The following MBD5 variants were observed in gnomAD, a reference collection of about 807,000 sequenced individuals.
MBD5 encodes methyl-CpG binding domain protein 5, also known as methyl-CpG-binding domain protein 5.
MBD5 carries 13 observed loss-of-function variants against 117.3 expected under a neutral mutation model. The ratio of observed to expected loss-of-function variants is 0.11; its 90% confidence interval spans 0.07 to 0.18. The LOEUF (loss-of-function observed/expected upper bound fraction) is 0.18, where lower values mean the gene tolerates loss of function less well. MBD5 is among the 10% of genes least tolerant of loss of function. The pLI is 1.00. For missense variants in MBD5, 1,879 were observed against 2,093.8 expected (o/e 0.90, Z 2.00); for synonymous variants, 727 against 766.4 (o/e 0.95, Z 0.85).
At chr2:148,136,063 A>G (rs1423572465) in intron 1 of MBD5, among the ~76,000 whole-genome samples, 1 of 152,194 alleles carries the variant, frequency 6.6e-6, no homozygotes, top group Non-Finnish European at 1.5e-5. Context: ...TCTAATCATC[A>G]GTCTAGTATT....
intron 2 of MBD5, among the ~76,000 whole-genome samples, chr2:148,202,560 T>C (rs1699171184): frequency 6.6e-6 from 1 of 152,170 alleles, no homozygotes; most frequent in Non-Finnish European, 1.5e-5. Flanking sequence ...GTAAGGGGCT[T>C]ATAGATCATA....
chr2:148,083,475 T>C (rs1695698384), intron 1 of MBD5, among the ~76,000 whole-genome samples: 2 of 152,096 alleles, frequency 1.3e-5, no homozygotes, highest in South Asian at 2.1e-4. Flanking sequence ...AAAAGACATA[T>C]ACATGGTCCA....
chr2:148,081,567 G>A (rs527683783), intron 1 of MBD5, among the ~76,000 whole-genome samples: 2 of 152,280 alleles, frequency 1.3e-5, no homozygotes, highest in African/African-American at 4.8e-5. Context: ...CCGTGGTAAG[G>A]AGTTACATCC....
At chr2:148,182,269 A>C (rs745691376) in intron 2 of MBD5, among the ~76,000 whole-genome samples, 7 of 152,166 alleles carry the variant, frequency 4.6e-5, no homozygotes, top group Non-Finnish European at 1.0e-4. Context: ...GCTTTTTATT[A>C]TGTGTATGTT....
chr2:148,304,086 C>T (rs181907666), intron 3 of MBD5, among the ~76,000 whole-genome samples: 17 of 152,092 alleles, frequency 1.1e-4, no homozygotes, highest in Non-Finnish European at 1.8e-4. Flanking sequence ...CTGCAGATCT[C>T]CCCGATTCCT....
intron 4 of MBD5, among the ~76,000 whole-genome samples, chr2:148,357,195 G>A (rs1335468344): frequency 6.6e-6 from 1 of 152,142 alleles, no homozygotes; most frequent in Non-Finnish European, 1.5e-5. Context: ...TTGACATTTT[G>A]TACCACTTTC....
At position 148,162,258 on chromosome 2, in the gene MBD5, A is replaced by G. The variant is rs1239673010; in HGVS notation, c.-924-16442A>G. ...TGGCGCCTGTGATTGCTATCTTAAT[A>G]TATTAGCTGCCTTCCCTTCTGTTAT... On this transcript the variant is annotated intron_variant, in intron 1 of 13. Coordinates refer to ENST00000642680, the MANE Select transcript of MBD5 (RefSeq NM_001378120.1). Among the ~76,000 whole-genome samples the G allele has an allele frequency of 2.6e-5, 4 of 152,272 alleles. No homozygotes were observed. In the East Asian group the frequency reaches 5.8e-4, roughly 22 times the overall value.
At chr2:148,401,646 CTATA>C (rs370053203) in intron 4 of MBD5, among the ~76,000 whole-genome samples, 98 of 152,144 alleles carry the variant, frequency 6.4e-4, no homozygotes, top group African/African-American at 2.3e-3. Flanking sequence ...CAGAACATTC[CTATA>C]TACCCTTTAA....
intron 3 of MBD5, among the ~76,000 whole-genome samples, chr2:148,325,293 T>C (rs1375462464): frequency 1.3e-5 from 2 of 152,178 alleles, no homozygotes; most frequent in Non-Finnish European, 1.5e-5. Context: ...GGTCTAAAAT[T>C]CTCTTTTTTG....
intron 3 of MBD5, among the ~76,000 whole-genome samples, chr2:148,260,130 G>T (rs74466368): frequency 0.13 from 19,269 of 152,168 alleles, 1,479 homozygotes; most frequent in Non-Finnish European, 0.18. Flanking sequence ...GATTTCTCTA[G>T]CATAAAATGC....
intron 1 of MBD5, among the ~76,000 whole-genome samples, chr2:148,063,512 A>G (rs1695097017): frequency 6.6e-6 from 1 of 151,940 alleles, no homozygotes; most frequent in Non-Finnish European, 1.5e-5. Context: ...GCAGCCATTG[A>G]CAATACATAA....
intron 3 of MBD5, among the ~76,000 whole-genome samples, chr2:148,239,864 A>G (rs143709676): frequency 9.7e-4 from 147 of 152,140 alleles, no homozygotes; most frequent in African/African-American, 1.7e-3. Context: ...TGCCCAGCTA[A>G]TTTTTCGATT....
chr2:148,221,797 G>A (rs1699693469), intron 2 of MBD5, among the ~76,000 whole-genome samples: 1 of 152,014 alleles, frequency 6.6e-6, no homozygotes, highest in South Asian at 2.1e-4. Context: ...TTGATTGCCT[G>A]TGCTCGTAGG....
In MBD5 at chr2:148,505,887, G is replaced by A. The variant is rs968131929; in HGVS notation, c.5036+3378G>A. Among the ~76,000 whole-genome samples the A allele has an allele frequency of 2.6e-5, 4 of 152,118 alleles. No individual in the cohort carries two copies. The East Asian group carries it at 5.8e-4, about 22-fold the overall frequency. ...TCTACCACTTCATAGCTGTGTGTTCGTAATCTCCCTGGGCCTAAATTCTTC... is the reference window on the plus strand; with the variant it reads ...TCTACCACTTCATAGCTGTGTGTTCATAATCTCCCTGGGCCTAAATTCTTC... On this transcript the variant is annotated intron_variant, in intron 12 of 13. Coordinates refer to ENST00000642680, the MANE Select transcript of MBD5 (RefSeq NM_001378120.1).
chr2:148,031,063 T>C (rs201422296), intron 1 of MBD5, among the ~76,000 whole-genome samples: 1 of 152,196 alleles, frequency 6.6e-6, no homozygotes, highest in African/African-American at 2.4e-5. Flanking sequence ...ACAATTTCAA[T>C]CTGAGATAAG....
At chr2:148,117,270 C>A (rs1473455673) in intron 1 of MBD5, among the ~76,000 whole-genome samples, 1 of 151,412 alleles carries the variant, frequency 6.6e-6, no homozygotes, top group Non-Finnish European at 1.5e-5. Flanking sequence ...TATAGAATTT[C>A]AATAACAAGC....
At chr2:148,342,978 C>T (rs1702988519) in intron 4 of MBD5, among the ~76,000 whole-genome samples, 1 of 151,980 alleles carries the variant, frequency 6.6e-6, no homozygotes, top group Non-Finnish European at 1.5e-5. Context: ...ATCTTTATGG[C>T]CATGAGTACC....
intron 1 of MBD5, among the ~76,000 whole-genome samples, chr2:148,147,845 T>C (rs1052879657): frequency 6.6e-6 from 1 of 152,126 alleles, no homozygotes; most frequent in Non-Finnish European, 1.5e-5. Flanking sequence ...TGTCTTAGCC[T>C]TAGCCTTCAC....
At chr2:148,325,063 A>G (rs965295217) in intron 3 of MBD5, among the ~76,000 whole-genome samples, 7 of 152,178 alleles carry the variant, frequency 4.6e-5, no homozygotes, top group Non-Finnish European at 5.9e-5. Flanking sequence ...GAATTTTGTC[A>G]CAGGCCTTTT....
Sources: gnomAD v4.1 joint callset for allele counts (sites outside exome capture counted in the v4.1 genomes callset) on GRCh38, gnomAD v4.1.1 for gene constraint, MANE v1.5 for transcripts, NCBI Gene and HGNC (gene_info 2026-07-23, HGNC 2026-07-21) for gene names.